KCNN2: variants seen among roughly 807,000 people sequenced by gnomAD.
KCNN2 encodes small conductance calcium-activated potassium channel protein 2.
Under a neutral mutation model 55.5 loss-of-function variants are expected in KCNN2, and 24 were observed. That is an observed-to-expected ratio of 0.43 (90% confidence interval 0.31 to 0.61). The LOEUF (loss-of-function observed/expected upper bound fraction) is 0.61, where lower values mean the gene tolerates loss of function less well. Among genes scored for constraint, KCNN2 ranks in the 20% least tolerant of loss-of-function variants. The pLI is 0.08. For missense variants in KCNN2, 754 were observed against 853.6 expected, an observed-to-expected ratio of 0.88 and a Z score of 1.45; for synonymous variants, 431 against 336.1, an observed-to-expected ratio of 1.28 and a Z score of -3.09.
At chr5:114,429,920 T>C (rs1269220405) in intron 3 of KCNN2, among the ~76,000 whole-genome samples, 1 of 149,780 alleles carries the variant, frequency 6.7e-6, no homozygotes, top group East Asian at 2.0e-4. Flanking sequence ...CCTGTATCAA[T>C]GATCAGTTGA....
At chr5:114,388,632 G>A (rs73782221) in intron 2 of KCNN2, among the ~76,000 whole-genome samples, 3,588 of 152,076 alleles carry the variant, frequency 0.024, 113 homozygotes, top group African/African-American at 0.078. Flanking sequence ...TCTGGTTTAT[G>A]TTTACTTCTT....
chr5:114,365,087 C>G (rs1270915546), intron 2 of KCNN2, among the ~76,000 whole-genome samples: 1 of 152,002 alleles, frequency 6.6e-6, no homozygotes, highest in African/African-American at 2.4e-5. Context: ...AATTAGCAAA[C>G]ACAAAGTAAA....
chr5:114,290,386 T>A (rs1755860223), intron 2 of KCNN2, among the ~76,000 whole-genome samples: 1 of 152,146 alleles, frequency 6.6e-6, no homozygotes, highest in Admixed American at 6.5e-5. Context: ...TGTTGGCATA[T>A]AATTACTTAT....
At chr5:114,133,642 C>G (rs913736067) in intron 1 of KCNN2, among the ~76,000 whole-genome samples, 1 of 152,124 alleles carries the variant, frequency 6.6e-6, no homozygotes, top group Non-Finnish European at 1.5e-5. Context: ...TACCTCTTGG[C>G]TGTCACTTTG....
At chr5:114,202,753 A>G (rs1403919084) in intron 1 of KCNN2, among the ~76,000 whole-genome samples, 3 of 150,928 alleles carry the variant, frequency 2.0e-5, no homozygotes, top group Admixed American at 2.0e-4. Context: ...CGCCTGGCTA[A>G]TTTTTTGTAT....
chr5:114,316,750 C>T (rs963202470), intron 2 of KCNN2, among the ~76,000 whole-genome samples: 27 of 152,114 alleles, frequency 1.8e-4, no homozygotes, highest in African/African-American at 6.3e-4. Flanking sequence ...TCTAGTCCAG[C>T]CATGATTTAA....
intron 2 of KCNN2, among the ~76,000 whole-genome samples, chr5:114,307,469 A>T (rs1242106957): frequency 6.6e-6 from 1 of 152,018 alleles, no homozygotes; most frequent in Non-Finnish European, 1.5e-5. Flanking sequence ...CTTTCCTCTG[A>T]TGCTTAAATG....
intron 1 of KCNN2, among the ~76,000 whole-genome samples, chr5:114,129,619 T>C (rs1707821085): frequency 6.6e-6 from 1 of 152,228 alleles, no homozygotes; most frequent in Admixed American, 6.5e-5. Context: ...TGTACCCATC[T>C]GGTGACCCAG....
chr5:114,264,937 A>C (rs916042066), intron 2 of KCNN2, among the ~76,000 whole-genome samples: 1 of 152,216 alleles, frequency 6.6e-6, no homozygotes, highest in Admixed American at 6.5e-5. Context: ...ATTGCCTGAA[A>C]ACCTAACTCA....
intron 1 of KCNN2, among the ~76,000 whole-genome samples, chr5:114,199,368 A>G (rs1753623250): frequency 1.3e-5 from 2 of 152,178 alleles, no homozygotes; most frequent in South Asian, 4.1e-4. Context: ...GTTTTTATCC[A>G]TGCTGCCAAT....
intron 2 of KCNN2, among the ~76,000 whole-genome samples, chr5:114,307,543 A>G (rs935172294): frequency 6.6e-6 from 1 of 152,152 alleles, no homozygotes; most frequent in Non-Finnish European, 1.5e-5. Flanking sequence ...ACCCAGTGCC[A>G]TGGTCACATC....
At chr5:114,181,289 A>C (rs1399055764) in intron 1 of KCNN2, among the ~76,000 whole-genome samples, 1 of 152,156 alleles carries the variant, frequency 6.6e-6, no homozygotes, top group East Asian at 1.9e-4. Flanking sequence ...CTTTAATTTT[A>C]GCCATTCTGT....
At chr5:114,206,301 CCTT>C (rs1753766435) in intron 1 of KCNN2, among the ~76,000 whole-genome samples, 1 of 152,116 alleles carries the variant, frequency 6.6e-6, no homozygotes, top group Non-Finnish European at 1.5e-5. Flanking sequence ...TTAAACATTT[CCTT>C]CTTCTTCTGG....
intron 1 of KCNN2, among the ~76,000 whole-genome samples, chr5:114,097,277 T>A (rs982795801): frequency 6.6e-6 from 1 of 152,172 alleles, no homozygotes; most frequent in Admixed American, 6.5e-5. Context: ...TCCCACAGGG[T>A]CCAGTCAATT....
At chr5:114,232,991 GCTCA>G (rs1393000136) in intron 2 of KCNN2, among the ~76,000 whole-genome samples, 1 of 124,868 alleles carries the variant, frequency 8.0e-6, no homozygotes, top group African/African-American at 3.1e-5. Flanking sequence ...CGGGATCTCG[GCTCA>G]CTGCAAGCTC....
chr5:114,194,704 TG>T (rs1753516614), intron 1 of KCNN2, among the ~76,000 whole-genome samples: 4 of 152,078 alleles, frequency 2.6e-5, no homozygotes, highest in Admixed American at 2.6e-4. Flanking sequence ...TTAATTTTGA[TG>T]TTTTTTTCTT....
At chr5:114,101,037 C>G (rs1055601033) in intron 1 of KCNN2, among the ~76,000 whole-genome samples, 1 of 151,598 alleles carries the variant, frequency 6.6e-6, no homozygotes, top group Non-Finnish European at 1.5e-5. Context: ...GCTTTAATAA[C>G]TTTATATTTT....
intron 1 of KCNN2, among the ~76,000 whole-genome samples, chr5:114,197,619 A>G (rs1453813499): frequency 1.3e-5 from 2 of 152,188 alleles, no homozygotes; most frequent in Non-Finnish European, 2.9e-5. Context: ...GGGTGACTAC[A>G]AAGGCAGTCT....
chr5:114,216,322 T>C (rs1337881433), intron 1 of KCNN2, among the ~76,000 whole-genome samples: 2 of 152,210 alleles, frequency 1.3e-5, no homozygotes, highest in Non-Finnish European at 2.9e-5. Flanking sequence ...CATATGGCTC[T>C]GCAATCAGTG....
Sources: allele counts gnomAD v4.1 joint callset (sites outside exome capture counted in the v4.1 genomes callset), GRCh38; gene constraint gnomAD v4.1.1; transcripts MANE v1.5; gene names NCBI Gene and HGNC (gene_info 2026-07-23, HGNC 2026-07-21).